STX18: variants seen among roughly 807,000 people sequenced by gnomAD.
STX18 encodes syntaxin-18.
In STX18, 40 loss-of-function variants were observed where a neutral mutation model predicts 50.1. The observed-to-expected ratio is 0.80, with a 90% CI of 0.62 to 1.04. The LOEUF is 1.04. Ranked by LOEUF, STX18 falls within the 50% of genes least tolerant of loss-of-function variation. STX18 has a pLI of 0.00. For missense variants in STX18, 410 were observed against 415.8 expected (o/e 0.99, Z 0.12); for synonymous variants, 158 against 151.8 (o/e 1.04, Z -0.30).
At chr4:4,442,024 T>TTA (rs1309276709) in intron 5 of STX18, among the ~76,000 whole-genome samples, 2 of 152,136 alleles carry the variant, frequency 1.3e-5, no homozygotes, top group Non-Finnish European at 2.9e-5. Flanking sequence ...TTGAAAAGGT[T>TTA]TATAGTGAAA....
intron 1 of STX18, among the ~76,000 whole-genome samples, chr4:4,486,748 G>C (rs934970473): frequency 1.3e-5 from 2 of 151,950 alleles, no homozygotes; most frequent in African/African-American, 2.4e-5. Flanking sequence ...AGGGGCGAGA[G>C]GAAAAAACAT....
chr4:4,487,891 G>A (rs1240304412), intron 1 of STX18, among the ~76,000 whole-genome samples: 1 of 152,166 alleles, frequency 6.6e-6, no homozygotes, highest in Non-Finnish European at 1.5e-5. Flanking sequence ...GCCTGGCATA[G>A]TTCCTAGCTC....
chr4:4,537,738 A>C (rs553757916), intron 1 of STX18, among the ~76,000 whole-genome samples: 1 of 152,302 alleles, frequency 6.6e-6, no homozygotes, highest in East Asian at 1.9e-4. Context: ...GGTTGCTATT[A>C]CTCACTCTAT....
intron 1 of STX18, among the ~76,000 whole-genome samples, chr4:4,472,660 T>C (rs1007206981): frequency 1.3e-5 from 2 of 152,256 alleles, no homozygotes; most frequent in African/African-American, 4.8e-5. Flanking sequence ...GGCCATGTAC[T>C]CTGACCTAAC....
At chr4:4,438,593 T>C (rs1328927602) in intron 5 of STX18, 84 bp from the exon 6 acceptor site, 2 of 1,117,234 alleles carry the variant, frequency 1.8e-6, no homozygotes, top group Non-Finnish European at 2.6e-6. Flanking sequence ...CATGTGACCC[T>C]GCGCTTTTGC....
chr4:4,491,766 C>G (rs1395824013), intron 1 of STX18, among the ~76,000 whole-genome samples: 3 of 152,040 alleles, frequency 2.0e-5, no homozygotes, highest in African/African-American at 7.2e-5. Flanking sequence ...GGATCTAGCG[C>G]AGCCACAGTG....
intron 1 of STX18, among the ~76,000 whole-genome samples, chr4:4,490,110 A>C (rs1231792786): frequency 6.6e-6 from 1 of 152,240 alleles, no homozygotes; most frequent in Admixed American, 6.5e-5. Context: ...ATAAAAATGT[A>C]ACACTAACTG....
At chr4:4,518,614 G>A (rs1278583957) in intron 1 of STX18, among the ~76,000 whole-genome samples, 1 of 151,676 alleles carries the variant, frequency 6.6e-6, no homozygotes, top group African/African-American at 2.4e-5. Context: ...AAACATAAGG[G>A]TTTTTAAAAA....
At chr4:4,427,229 G>A (rs1167930929) in intron 7 of STX18, among the ~76,000 whole-genome samples, 1 of 152,210 alleles carries the variant, frequency 6.6e-6, no homozygotes, top group Admixed American at 6.5e-5. Flanking sequence ...CACCGGGCCA[G>A]AAAACGGGGA....
chr4:4,420,833 G>A lies in STX18; in HGVS notation c.912+31C>T, dbSNP rs541747984. On this transcript the variant is annotated intron_variant, in intron 10 of 10. Transcript: ENST00000306200. This position sits in a 1 kb window ranked among gnomAD's most constrained non-coding sequence, Gnocchi z 4.3. Reference sequence around the variant, plus strand: ...CTGCTGGGACTCAGTGCTGCGCCACGTCGCACCTGGGGAACCTAAACAGTG... The same window carrying A: ...CTGCTGGGACTCAGTGCTGCGCCACATCGCACCTGGGGAACCTAAACAGTG... The A allele has an allele frequency of 2.4e-5, 39 of 1,598,588 alleles. No individual in the cohort carries two copies. The highest frequency in any genetic ancestry group is 4.0e-5 in the African/African-American group (3 of 74,734).
chr4:4,457,480 G>A lies in STX18; in HGVS notation c.373C>T (p.Gln125Ter). ...RTEAHKEIHS[Q>*]QVKEHRTAVL... ...GCGGTCCTGTGCTCCTTCACTTGCT[G>A]GGAATGTATCTCCTTGTGAGCTGTA... Residue 125 changes from glutamine to a stop codon, truncating the protein, a stop_gained, in exon 4 of 11, where the codon CAG becomes TAG. Transcript: ENST00000306200. LOFTEE classifies it high-confidence loss of function. The A allele has an allele frequency of 5.0e-6, 8 of 1,614,052 alleles. No individual in the cohort carries two copies. Among genetic ancestry groups the A allele is most frequent in the Non-Finnish European group, 6.8e-6 (8 of 1,179,954 alleles).
At chr4:4,436,544 C>T (rs1725785345) in intron 6 of STX18, among the ~76,000 whole-genome samples, 1 of 152,184 alleles carries the variant, frequency 6.6e-6, no homozygotes, top group Admixed American at 6.5e-5. Flanking sequence ...CTGAACCAAG[C>T]ATAAATTAAC....
intron 1 of STX18, among the ~76,000 whole-genome samples, chr4:4,484,454 T>C (rs1728612700): frequency 6.6e-6 from 1 of 152,158 alleles, no homozygotes. Context: ...ATAAACTAGG[T>C]CTTCATTATA....
At chr4:4,504,596 G>C (rs1003541465) in intron 1 of STX18, among the ~76,000 whole-genome samples, 2 of 152,114 alleles carry the variant, frequency 1.3e-5, no homozygotes, top group Non-Finnish European at 2.9e-5. Context: ...TGTTCAGAAT[G>C]TATAAAGTAC....
At position 4,420,205 on chromosome 4, in the gene STX18, T is replaced by C; in HGVS notation, c.913-76A>G. The C allele has an allele frequency of 9.0e-7, 1 of 1,114,720 alleles. No homozygotes were observed. Among genetic ancestry groups the C allele is most frequent in the Non-Finnish European group, 1.3e-6 (1 of 758,948 alleles). 69.1% of individuals were successfully genotyped at this position (1,114,720 alleles called of 1,614,324 possible). On this transcript the variant is annotated intron_variant, in intron 10 of 10. Coordinates refer to ENST00000306200, the MANE Select transcript of STX18 (RefSeq NM_016930.4). This position sits in a 1 kb window ranked among gnomAD's most constrained non-coding sequence, Gnocchi z 4.3. Reference sequence around the variant, plus strand: ...GAGCAGCCCTGAAATGCCCCCCTCTTCCCACGTGCTCTCCTGATCCTGGCT... The same window carrying C: ...GAGCAGCCCTGAAATGCCCCCCTCTCCCCACGTGCTCTCCTGATCCTGGCT...
At chr4:4,475,635 C>A (rs2108841336) in intron 1 of STX18, among the ~76,000 whole-genome samples, 1 of 152,328 alleles carries the variant, frequency 6.6e-6, no homozygotes, top group Non-Finnish European at 1.5e-5. Context: ...TATAAAGACT[C>A]TTGGCCAAGC....
chr4:4,457,935 C>A (rs1043363662), intron 3 of STX18, among the ~76,000 whole-genome samples: 1 of 152,124 alleles, frequency 6.6e-6, no homozygotes, highest in Non-Finnish European at 1.5e-5. Context: ...TCTAAGGGTC[C>A]CTTAGACAAT....
intron 1 of STX18, among the ~76,000 whole-genome samples, chr4:4,496,448 A>C (rs1314250140): frequency 6.6e-6 from 1 of 152,050 alleles, no homozygotes; most frequent in East Asian, 1.9e-4. Context: ...AAGGGCTCCT[A>C]AATTCACCCC....
chr4:4,500,459 G>A (rs1729396111), intron 1 of STX18, among the ~76,000 whole-genome samples: 1 of 152,052 alleles, frequency 6.6e-6, no homozygotes, highest in African/African-American at 2.4e-5. Flanking sequence ...GGTTTTATAA[G>A]TAATCCAGAG....
Sources: gnomAD v4.1 joint callset for allele counts (sites outside exome capture counted in the v4.1 genomes callset) on GRCh38, gnomAD v4.1.1 for gene constraint, Gnocchi (gnomAD v3.1) non-coding constraint, MANE v1.5 for transcripts, NCBI Gene and HGNC (gene_info 2026-07-23, HGNC 2026-07-21) for gene names.